Variants in BPNT1 observed in about 807,000 individuals in gnomAD.
BPNT1 encodes the protein 3'(2'),5'-bisphosphate nucleotidase 1.
In BPNT1, 28 loss-of-function variants were observed where a neutral mutation model predicts 36.9. That is an observed-to-expected ratio of 0.76 (90% CI 0.56 to 1.04). The LOEUF (loss-of-function observed/expected upper bound fraction) is 1.04. Ranked by LOEUF, BPNT1 falls within the 50% of genes least tolerant of loss-of-function variation. The probability of loss-of-function intolerance (pLI) is 0.00; values close to 1 mark genes in which losing one functional copy is unlikely to be tolerated. For missense variants in BPNT1, 313 were observed against 372.9 expected (o/e 0.84, Z 1.32); for synonymous variants, 119 against 130.9 (o/e 0.91, Z 0.62).
At chr1:220,086,537 G>A (rs150927556) in intron 1 of BPNT1, among the ~76,000 whole-genome samples, 321 of 151,864 alleles carry the variant, frequency 2.1e-3, no homozygotes, top group Admixed American at 3.2e-3. Flanking sequence ...GCCTCCCAAG[G>A]TGCTGGGATT....
chr1:220,077,981 A>G (rs542985400), intron 2 of BPNT1, among the ~76,000 whole-genome samples: 1 of 152,146 alleles, frequency 6.6e-6, no homozygotes, highest in South Asian at 2.1e-4. Flanking sequence ...GTTTGAGACC[A>G]GCCTGGGCAA....
chr1:220,089,770 G>A lies in BPNT1; in HGVS notation c.-93C>T, dbSNP rs1475902562. 1 of 152,230 alleles carries A rather than the reference G, an allele frequency of 6.6e-6. No homozygotes were observed. Among genetic ancestry groups the A allele is most frequent in the Non-Finnish European group, 1.5e-5 (1 of 68,044 alleles). 9.4% of individuals were successfully genotyped at this position (152,230 alleles called of 1,614,324 possible). A position where few individuals can be genotyped will look rare whatever the true frequency, so the allele number is the denominator to read the frequency against. ...CAGGTCCCTCGTTGTGTCCAGTACCGAGCTTTGGCACTGTCAATAAGTCTT... is the reference window on the plus strand; with the variant it reads ...CAGGTCCCTCGTTGTGTCCAGTACCAAGCTTTGGCACTGTCAATAAGTCTT... On this transcript the variant is annotated 5_prime_UTR_variant, in exon 1 of 9. Coordinates refer to ENST00000322067, the MANE Select transcript of BPNT1 (RefSeq NM_006085.6).
chr1:220,058,837 C>T lies in BPNT1; in HGVS notation c.*7G>A. 2 of 1,613,706 alleles carry T rather than the reference C, an allele frequency of 1.2e-6. No individual in the cohort carries two copies. The highest frequency in any genetic ancestry group is 1.7e-6 in the Non-Finnish European group (2 of 1,179,740). Reference sequence around the variant, plus strand: ...AGCCACCGCGCCCGGCCAAATGAAACTTTCCTTTAAGGAACAAGTGCATTT... The same window carrying T: ...AGCCACCGCGCCCGGCCAAATGAAATTTTCCTTTAAGGAACAAGTGCATTT... On this transcript the variant is annotated 3_prime_UTR_variant, in exon 9 of 9. Coordinates refer to ENST00000322067, the MANE Select transcript of BPNT1 (RefSeq NM_006085.6).
intron 1 of BPNT1, among the ~76,000 whole-genome samples, chr1:220,082,187 T>C (rs570584837): frequency 2.7e-5 from 4 of 147,888 alleles, no homozygotes; most frequent in African/African-American, 9.8e-5. Context: ...TTTTTATATA[T>C]ATATATATTT....
intron 2 of BPNT1, among the ~76,000 whole-genome samples, chr1:220,076,864 G>A (rs548526715): frequency 6.6e-5 from 10 of 152,004 alleles, no homozygotes; most frequent in African/African-American, 9.6e-5. Context: ...TGAATACAGC[G>A]CTTTATATTA....
intron 1 of BPNT1, among the ~76,000 whole-genome samples, chr1:220,080,696 A>G (rs981727105): frequency 1.3e-5 from 2 of 152,156 alleles, no homozygotes; most frequent in African/African-American, 4.8e-5. Flanking sequence ...ACACATGGGG[A>G]TTATGAGGAT....
chr1:220,077,703 A>G (rs1420600324), intron 2 of BPNT1, among the ~76,000 whole-genome samples: 3 of 152,082 alleles, frequency 2.0e-5, no homozygotes, highest in Admixed American at 2.0e-4. Flanking sequence ...TTTTACTCAT[A>G]TATCTCATTT....
Position 220,059,710 on chromosome 1 carries a change from C to A in BPNT1, c.754G>T (p.Glu252Ter). 1 of 1,609,240 alleles carries A rather than the reference C, an allele frequency of 6.2e-7. No individual in the cohort carries two copies. Among genetic ancestry groups the A allele is most frequent in the Non-Finnish European group, 8.5e-7 (1 of 1,178,530 alleles). ...CCTCCCACAGCATGTAAAATAACTT[C>A]TGGAGCACAAGTATCCCACTTCTTA... ...GCKKWDTCAP[E>*]VILHAVGGKL... is the part of the protein sequence containing the mutation. Residue 252 changes from glutamate to a stop codon, truncating the protein, a stop_gained, in exon 8 of 9, where the codon GAA (glutamate) becomes TAA (stop). Transcript: ENST00000322067. LOFTEE classifies it high-confidence loss of function.
chr1:220,072,634 C>T (rs1351450549), intron 4 of BPNT1, among the ~76,000 whole-genome samples: 2 of 152,090 alleles, frequency 1.3e-5, no homozygotes, highest in Non-Finnish European at 1.5e-5. Flanking sequence ...TTTTAAATAA[C>T]GGTTTTAGAG....
At chr1:220,060,514 C>T (rs1017130301) in intron 7 of BPNT1, among the ~76,000 whole-genome samples, 2 of 151,982 alleles carry the variant, frequency 1.3e-5, no homozygotes, top group Non-Finnish European at 2.9e-5. Flanking sequence ...AAAACCCTGA[C>T]CATTATTAAA....
rs1321609645 is a variant in BPNT1 at position 220,089,719 on chromosome 1, G to A, written c.-42C>T. On this transcript the variant is annotated 5_prime_UTR_variant, in exon 1 of 9. Transcript: ENST00000322067. Reference sequence around the variant, plus strand: ...ACGTTGGACCAAAGACACTTCAGGAGGAGCAAAAGCGCGTTATCGTAGACC... The same window carrying A: ...ACGTTGGACCAAAGACACTTCAGGAAGAGCAAAAGCGCGTTATCGTAGACC... 1 of 152,256 alleles carries A rather than the reference G, an allele frequency of 6.6e-6. No homozygotes were observed. The highest frequency in any genetic ancestry group is 1.5e-5 in the Non-Finnish European group (1 of 68,050). The allele number at this position is 152,256 out of a possible 1,614,324, so 9.4% of individuals were successfully genotyped here.
Position 220,058,438 on chromosome 1 carries a change from C to CT in BPNT1, c.*405dup. The CT allele has an allele frequency of 1.0e-6, 1 of 967,140 alleles. No homozygotes were observed. Among genetic ancestry groups the CT allele is most frequent in the Non-Finnish European group, 1.2e-6 (1 of 811,450 alleles). 59.9% of individuals were successfully genotyped at this position (967,140 alleles called of 1,614,324 possible). ...CTCAACAATGAATAAAGGTGGAACT[C>CT]TAATTCTACCCAATTAATCTTAAAA... On this transcript the variant is annotated 3_prime_UTR_variant, in exon 9 of 9. Transcript: ENST00000322067.
At chr1:220,063,756 T>C (rs1663275116) in intron 6 of BPNT1, among the ~76,000 whole-genome samples, 1 of 152,064 alleles carries the variant, frequency 6.6e-6, no homozygotes, top group Admixed American at 6.6e-5. Context: ...TATTGAAGAG[T>C]AGCCATGGAT....
intron 1 of BPNT1, among the ~76,000 whole-genome samples, chr1:220,089,273 C>A (rs1045335499): frequency 6.6e-6 from 1 of 152,048 alleles, no homozygotes; most frequent in Non-Finnish European, 1.5e-5. Flanking sequence ...GTTTTGAGAA[C>A]CTTAATAAAA....
intron 1 of BPNT1, among the ~76,000 whole-genome samples, chr1:220,083,556 T>C (rs1247924372): frequency 6.6e-6 from 1 of 151,528 alleles, no homozygotes; most frequent in East Asian, 2.0e-4. Flanking sequence ...CATGATCCAC[T>C]CGCCTCGGCC....
chr1:220,073,056 C>T, intron 3 of BPNT1, 99 bp from the exon 4 acceptor site: 1 of 1,010,896 alleles, frequency 9.9e-7, no homozygotes, highest in Non-Finnish European at 1.5e-6. Context: ...ACAGTTTTCA[C>T]TAGTTCTTCT....
In BPNT1 at chr1:220,058,830, A is replaced by C. The variant is rs760935868; in HGVS notation, c.*14T>G. ...AGGCATGAGCCACCGCGCCCGGCCA[A>C]ATGAAACTTTCCTTTAAGGAACAAG... On this transcript the variant is annotated 3_prime_UTR_variant, in exon 9 of 9. Coordinates refer to ENST00000322067, the MANE Select transcript of BPNT1 (RefSeq NM_006085.6). 1.2e-6 allele frequency: 2 copies of C among 1,613,348 alleles called. No individual in the cohort carries two copies. The highest frequency in any genetic ancestry group is 1.1e-5 in the South Asian group (1 of 91,074).
intron 6 of BPNT1, among the ~76,000 whole-genome samples, chr1:220,063,545 A>G (rs554657812): frequency 1.3e-5 from 2 of 152,286 alleles, no homozygotes; most frequent in South Asian, 4.1e-4. Flanking sequence ...GTTTCTCTGA[A>G]TTATCTAATG....
intron 1 of BPNT1, among the ~76,000 whole-genome samples, chr1:220,084,735 T>C (rs1018047089): frequency 6.6e-6 from 1 of 152,224 alleles, no homozygotes; most frequent in African/African-American, 2.4e-5. Context: ...GGAAAAACTT[T>C]CAGGCATTGT....
Sources: gnomAD v4.1 joint callset for allele counts (sites outside exome capture counted in the v4.1 genomes callset) on GRCh38, gnomAD v4.1.1 for gene constraint, MANE v1.5 for transcripts, NCBI Gene and HGNC (gene_info 2026-07-23, HGNC 2026-07-21) for gene names.